STUM: variants seen among roughly 807,000 people sequenced by gnomAD.
STUM encodes the protein stum, mechanosensory transduction mediator homolog.
STUM carries 8 observed loss-of-function variants against 15.3 expected under a neutral mutation model. That is an observed-to-expected ratio of 0.52 (90% CI 0.31 to 0.94). The LOEUF (loss-of-function observed/expected upper bound fraction) is 0.94, where lower values mean the gene tolerates loss of function less well. Among genes scored for constraint, STUM ranks in the 40% least tolerant of loss-of-function variants. STUM has a pLI of 0.05. For missense variants in STUM, 142 were observed against 204.9 expected (o/e 0.69, Z 1.87); for synonymous variants, 78 against 88.7 (o/e 0.88, Z 0.68).
intron 1 of STUM, among the ~76,000 whole-genome samples, chr1:226,594,053 G>T (rs1308644852): frequency 3.3e-5 from 5 of 152,216 alleles, no homozygotes; most frequent in Non-Finnish European, 7.3e-5. Context: ...ATGAGATGCC[G>T]CCTGAGACCT....
At chr1:226,582,998 A>T (rs1354423262) in intron 1 of STUM, among the ~76,000 whole-genome samples, 1 of 152,186 alleles carries the variant, frequency 6.6e-6, no homozygotes, top group Non-Finnish European at 1.5e-5. Context: ...GGGCTTGGTT[A>T]TTCTTAGCTG....
At chr1:226,599,619 T>C (rs1018822263) in intron 2 of STUM, among the ~76,000 whole-genome samples, 6 of 152,222 alleles carry the variant, frequency 3.9e-5, no homozygotes, top group African/African-American at 1.4e-4. Flanking sequence ...CACACTATCA[T>C]GAAAAACTCC....
intron 1 of STUM, among the ~76,000 whole-genome samples, chr1:226,553,223 AT>A (rs1183501089): frequency 3.9e-5 from 6 of 152,228 alleles, no homozygotes; most frequent in Non-Finnish European, 7.3e-5. Context: ...GTTACTTTTC[AT>A]TAGAGTGGAA....
At chr1:226,562,846 A>T (rs1245010649) in intron 1 of STUM, among the ~76,000 whole-genome samples, 4 of 152,264 alleles carry the variant, frequency 2.6e-5, no homozygotes, top group African/African-American at 7.2e-5. Flanking sequence ...AAAAATTAGA[A>T]TACAGATTGC....
rs1667639184 is a variant in STUM, at chr1:226,567,257, G to A, written c.202+18151G>A. Among the ~76,000 whole-genome samples, 1 of 152,182 alleles carries A rather than the reference G, an allele frequency of 6.6e-6. No individual in the cohort carries two copies. The highest frequency in any genetic ancestry group is 2.4e-5 in the African/African-American group (1 of 41,446). The stretch of plus-strand genomic sequence containing the variant: ...AAAGCCTTTGAAGACTGTCCGTCCT[G>A]GAGCTATCCAACGGGTGGTGACGGC... On this transcript the variant is annotated intron_variant, in intron 1 of 3. Coordinates refer to ENST00000366788, the MANE Select transcript of STUM (RefSeq NM_001003665.4). The surrounding 1 kb of genome is among the most constrained non-coding windows in gnomAD (Gnocchi z 4.5).
At chr1:226,569,546 C>T (rs997649315) in intron 1 of STUM, among the ~76,000 whole-genome samples, 1 of 152,198 alleles carries the variant, frequency 6.6e-6, no homozygotes, top group African/African-American at 2.4e-5. Flanking sequence ...GTTCTCAGAC[C>T]TCAGAATCCC....
In STUM at chr1:226,600,768, A is replaced by C; in HGVS notation, c.391+94A>C. ...ACTCCTGCACACAAACACCCCACCC[A>C]CTCTCCCAGTGGGTCAATGGGCTTT... On this transcript the variant is annotated intron_variant, in intron 3 of 3. Coordinates refer to ENST00000366788, the MANE Select transcript of STUM (RefSeq NM_001003665.4). This position sits in a 1 kb window ranked among gnomAD's most constrained non-coding sequence, Gnocchi z 5.2. The C allele has an allele frequency of 7.3e-7, 1 of 1,363,300 alleles. No individual in the cohort carries two copies. The highest frequency in any genetic ancestry group is 2.3e-5 in the East Asian group (1 of 43,430). 84.5% of individuals were successfully genotyped at this position (1,363,300 alleles called of 1,614,324 possible).
chr1:226,549,175 G>C lies in STUM; in HGVS notation c.202+69G>C. 7.1e-7 allele frequency: 1 copy of C among 1,401,754 alleles called. No homozygotes were observed. Among genetic ancestry groups the C allele is most frequent in the Admixed American group, 2.5e-5 (1 of 40,208 alleles). 86.8% of individuals were successfully genotyped at this position (1,401,754 alleles called of 1,614,324 possible). On this transcript the variant is annotated intron_variant, in intron 1 of 3. Transcript: ENST00000366788. The surrounding 1 kb of genome is among the most constrained non-coding windows in gnomAD (Gnocchi z 6.8). ...CGGGAGGGCGTGGGGGGAGAGAAGG[G>C]CGCGGCCGGAGACCTCCTGGCGGGG...
rs1667606958 is a variant in STUM, at chr1:226,565,487, GT to G, written c.202+16385del. 6.6e-6 allele frequency among the ~76,000 whole-genome samples: 1 copy of G among 152,116 alleles called. No individual in the cohort carries two copies. The highest frequency in any genetic ancestry group is 2.1e-4 in the South Asian group (1 of 4,824). ...TTCTCATCCCACCCACCTCCACCTG[GT>G]TTTCCTAAAGATGTTGGTTTCTAAC... is the stretch of plus-strand genomic sequence containing the variant. On this transcript the variant is annotated intron_variant, in intron 1 of 3. Transcript: ENST00000366788. This position sits in a 1 kb window ranked among gnomAD's most constrained non-coding sequence, Gnocchi z 4.4.
rs1667343944 is a variant in STUM, at chr1:226,549,916, G to A, written c.202+810G>A. Reference sequence around the variant, plus strand: ...GCCCCTTACAGAGATGGTGCAGGAGGGTGAATGGAGGCAGGGAATGAGAAG... The same window carrying A: ...GCCCCTTACAGAGATGGTGCAGGAGAGTGAATGGAGGCAGGGAATGAGAAG... On this transcript the variant is annotated intron_variant, in intron 1 of 3. Coordinates refer to ENST00000366788, the MANE Select transcript of STUM (RefSeq NM_001003665.4). The surrounding 1 kb of genome is among the most constrained non-coding windows in gnomAD (Gnocchi z 6.8). Among the ~76,000 whole-genome samples the A allele has an allele frequency of 6.6e-6, 1 of 152,152 alleles. No homozygotes were observed. Among genetic ancestry groups the A allele is most frequent in the Admixed American group, 6.5e-5 (1 of 15,278 alleles).
intron 1 of STUM, among the ~76,000 whole-genome samples, chr1:226,576,768 A>G (rs912660118): frequency 2.0e-5 from 3 of 152,160 alleles, no homozygotes; most frequent in Admixed American, 6.5e-5. Context: ...ACCAGAGTAC[A>G]GGGCAGCAGA....
At chr1:226,551,695 C>A (rs1430311464) in intron 1 of STUM, among the ~76,000 whole-genome samples, 1 of 152,248 alleles carries the variant, frequency 6.6e-6, no homozygotes, top group East Asian at 1.9e-4. Flanking sequence ...ACATGCCAGG[C>A]ATTGACTGGG....
Position 226,604,986 on chromosome 1 carries a change from G to C in STUM, c.*2946G>C, listed in dbSNP as rs1021455185. The C allele has an allele frequency of 6.6e-6, 1 of 152,586 alleles. No homozygotes were observed. Among genetic ancestry groups the C allele is most frequent in the African/African-American group, 2.4e-5 (1 of 41,454 alleles). 9.5% of individuals were successfully genotyped at this position (152,586 alleles called of 1,614,324 possible). ...CTAGAGCCAGAGTGAGCTGTGGGTG[G>C]CCTGGGTGTGTCCTGTGGACGGCGG... On this transcript the variant is annotated 3_prime_UTR_variant, in exon 4 of 4. Transcript: ENST00000366788. The surrounding 1 kb of genome is among the most constrained non-coding windows in gnomAD (Gnocchi z 4.7).
rs1667706647 is a variant in STUM at position 226,571,257 on chromosome 1, AC to A, written c.202+22152del. ...CAAAAACAAAACAAAACAAAACAAA[AC>A]AAAAACTATAGAAAAAAATTTGCAT... is the stretch of plus-strand genomic sequence containing the variant. On this transcript the variant is annotated intron_variant, in intron 1 of 3. Transcript: ENST00000366788. Among the ~76,000 whole-genome samples the A allele has an allele frequency of 2.0e-5, 3 of 152,242 alleles. No individual in the cohort carries two copies. In the South Asian group the frequency reaches 6.2e-4, roughly 32 times the overall value.
In STUM at chr1:226,600,517, C is replaced by A; in HGVS notation, c.383-149C>A. On this transcript the variant is annotated intron_variant, in intron 2 of 3. Coordinates refer to ENST00000366788, the MANE Select transcript of STUM (RefSeq NM_001003665.4). This position sits in a 1 kb window ranked among gnomAD's most constrained non-coding sequence, Gnocchi z 5.2. ...GGGATGGCGTCTGAGAAGCCACTGG[C>A]ATGGCCCCTGTCCCATCTCCCAGGC... is the stretch of plus-strand genomic sequence containing the variant. 1.1e-6 allele frequency: 1 copy of A among 911,134 alleles called. No individual in the cohort carries two copies. The highest frequency in any genetic ancestry group is 1.7e-6 in the Non-Finnish European group (1 of 576,664). 56.4% of individuals were successfully genotyped at this position (911,134 alleles called of 1,614,324 possible). A position where few individuals can be genotyped will look rare whatever the true frequency, so the allele number is the denominator to read the frequency against.
rs765316161 is a variant in STUM, at chr1:226,549,576, G to C, written c.202+470G>C. Among the ~76,000 whole-genome samples the C allele has an allele frequency of 6.6e-6, 1 of 152,234 alleles. No homozygotes were observed. Among genetic ancestry groups the C allele is most frequent in the South Asian group, 2.1e-4 (1 of 4,828 alleles). ...CGAAGTCAGCTGAGCCGGGGAAAGA[G>C]GACGAGCCGGGCTAGATATACCTGC... On this transcript the variant is annotated intron_variant, in intron 1 of 3. Coordinates refer to ENST00000366788, the MANE Select transcript of STUM (RefSeq NM_001003665.4). This position sits in a 1 kb window ranked among gnomAD's most constrained non-coding sequence, Gnocchi z 6.8.
chr1:226,588,543 A>C (rs1668034717), intron 1 of STUM, among the ~76,000 whole-genome samples: 5 of 152,222 alleles, frequency 3.3e-5, no homozygotes, highest in African/African-American at 2.4e-5. Context: ...GGCCACAGCC[A>C]TATAGGCCCC....
intron 2 of STUM, among the ~76,000 whole-genome samples, chr1:226,599,642 C>G (rs1668235269): frequency 6.6e-6 from 1 of 152,222 alleles, no homozygotes; most frequent in Admixed American, 6.5e-5. Context: ...AGAGGGGAGT[C>G]AGAGAAATCT....
At chr1:226,556,679 C>G (rs1188813837) in intron 1 of STUM, among the ~76,000 whole-genome samples, 1 of 152,210 alleles carries the variant, frequency 6.6e-6, no homozygotes, top group Admixed American at 6.5e-5. Context: ...GAGCAGGTCA[C>G]TTAGCCTCTC....
Sources: allele counts gnomAD v4.1 joint callset (sites outside exome capture counted in the v4.1 genomes callset), GRCh38; gene constraint gnomAD v4.1.1; non-coding constraint Gnocchi (gnomAD v3.1); transcripts MANE v1.5; gene names NCBI Gene and HGNC (gene_info 2026-07-23, HGNC 2026-07-21).